DRC8: variants seen among roughly 807,000 people sequenced by gnomAD.
The protein encoded by DRC8 is dynein regulatory complex protein 8.
chr1:245,059,633 T>A, the DRC8 span, among the ~76,000 whole-genome samples: 1 of 152,198 alleles, frequency 6.6e-6, no homozygotes, highest in Non-Finnish European at 1.5e-5. Flanking sequence ...CTGAAAGAAT[T>A]GAGCAGATCT....
the DRC8 span, among the ~76,000 whole-genome samples, chr1:244,988,939 G>A: frequency 6.6e-6 from 1 of 152,156 alleles, no homozygotes; most frequent in Non-Finnish European, 1.5e-5. Context: ...ACAGAGCTAT[G>A]TACGTATGAA....
At chr1:245,039,841 G>T in the DRC8 span, among the ~76,000 whole-genome samples, 1 of 152,196 alleles carries the variant, frequency 6.6e-6, no homozygotes, top group Non-Finnish European at 1.5e-5. Context: ...CTACACACAA[G>T]TGAGTTTGTG....
At chr1:245,089,162 G>C in the DRC8 span, among the ~76,000 whole-genome samples, 3 of 152,142 alleles carry the variant, frequency 2.0e-5, no homozygotes, top group Admixed American at 6.5e-5. The surrounding 1 kb of genome is among the most constrained non-coding windows in gnomAD (Gnocchi z 4.8). Flanking sequence ...CGGACGATGG[G>C]TAAAAGTGCC....
At chr1:245,034,599 T>C in the DRC8 span, among the ~76,000 whole-genome samples, 1 of 15,244 alleles carries the variant, frequency 6.6e-5, no homozygotes, top group African/African-American at 3.0e-4. Context: ...AGACTCCATC[T>C]CAAAAAAAAA....
the DRC8 span, among the ~76,000 whole-genome samples, chr1:245,117,076 CAG>C: frequency 6.6e-6 from 1 of 152,256 alleles, no homozygotes; most frequent in Admixed American, 6.5e-5. Context: ...TTTTGTGAGA[CAG>C]AGTCTTGCTC....
chr1:245,121,832 G>C, the DRC8 span: 1 of 412,760 alleles, frequency 2.4e-6, no homozygotes, highest in East Asian at 7.6e-5. Flanking sequence ...CAGGCCTTAG[G>C]CTTGTCTTAG....
chr1:244,970,146 G>T, the DRC8 span: 1 of 684,130 alleles, frequency 1.5e-6, no homozygotes, highest in Non-Finnish European at 2.7e-6. Flanking sequence ...GACAAGTCCG[G>T]CTCCGGCCTC....
the DRC8 span, among the ~76,000 whole-genome samples, chr1:245,080,817 T>C: frequency 6.6e-6 from 1 of 152,190 alleles, no homozygotes; most frequent in African/African-American, 2.4e-5. Flanking sequence ...TTCCCATTGT[T>C]CTCAGGCTAG....
chr1:245,056,618 A>G, the DRC8 span, among the ~76,000 whole-genome samples: 22 of 152,190 alleles, frequency 1.4e-4, no homozygotes, highest in Admixed American at 1.4e-3. Flanking sequence ...TTTTTCAAGT[A>G]AAAAAGAAAC....
the DRC8 span, among the ~76,000 whole-genome samples, chr1:245,055,413 C>T: frequency 1.7e-3 from 256 of 152,068 alleles, no homozygotes; most frequent in Middle Eastern, 6.8e-3. Flanking sequence ...TTGAACTCCT[C>T]GGCTCAACCG....
the DRC8 span, among the ~76,000 whole-genome samples, chr1:245,119,561 G>C: frequency 6.6e-6 from 1 of 152,032 alleles, no homozygotes; most frequent in Non-Finnish European, 1.5e-5. Flanking sequence ...CTACATGGGA[G>C]GCTAAGGCAG....
chr1:244,980,007 A>G, the DRC8 span, among the ~76,000 whole-genome samples: 1 of 139,004 alleles, frequency 7.2e-6, no homozygotes, highest in Non-Finnish European at 1.5e-5. Context: ...GATCAAGACC[A>G]TTCTGGCTAA....
At chr1:245,081,146 T>C in the DRC8 span, among the ~76,000 whole-genome samples, 1 of 149,774 alleles carries the variant, frequency 6.7e-6, no homozygotes. Flanking sequence ...ATTTATTTTT[T>C]ATTTTTTTAT....
At chr1:245,059,371 C>CTTT in the DRC8 span, 1 of 1,450,952 alleles carries the variant, frequency 6.9e-7, no homozygotes, top group Non-Finnish European at 9.4e-7. Context: ...CCATTGAAAA[C>CTTT]TTTTTTTTTT....
the DRC8 span, among the ~76,000 whole-genome samples, chr1:245,054,355 C>T: frequency 6.6e-6 from 1 of 152,016 alleles, no homozygotes; most frequent in Non-Finnish European, 1.5e-5. Flanking sequence ...CCTGACTTCT[C>T]CCTTTCACTT....
At chr1:245,017,805 G>A in the DRC8 span, among the ~76,000 whole-genome samples, 4,041 of 152,268 alleles carry the variant, frequency 0.027, 140 homozygotes, top group East Asian at 0.14. Flanking sequence ...GGCAAGAGAA[G>A]ACATGAATAC....
At chr1:245,063,398 C>T in the DRC8 span, among the ~76,000 whole-genome samples, 1 of 152,192 alleles carries the variant, frequency 6.6e-6, no homozygotes, top group African/African-American at 2.4e-5. Flanking sequence ...CAGGGGTACT[C>T]CCCTAGCTCC....
the DRC8 span, among the ~76,000 whole-genome samples, chr1:244,974,166 TG>T: frequency 6.6e-6 from 1 of 152,216 alleles, no homozygotes; most frequent in African/African-American, 2.4e-5. Flanking sequence ...CTTTTCCTTC[TG>T]TTTTGTCTGT....
At chr1:245,054,264 C>G in the DRC8 span, among the ~76,000 whole-genome samples, 8 of 152,112 alleles carry the variant, frequency 5.3e-5, no homozygotes, top group South Asian at 4.2e-4. Flanking sequence ...CTGCAACCTT[C>G]GCCCCCACTT....
Sources: allele counts gnomAD v4.1 joint callset (sites outside exome capture counted in the v4.1 genomes callset), GRCh38; gene constraint gnomAD v4.1.1; non-coding constraint Gnocchi (gnomAD v3.1); transcripts MANE v1.5; gene names NCBI Gene and HGNC (gene_info 2026-07-23, HGNC 2026-07-21).